The following ITSN1 variants were observed in gnomAD, a reference collection of about 807,000 sequenced individuals.
ITSN1 encodes the protein intersectin 1, also known as intersectin-1.
ITSN1 carries 58 observed loss-of-function variants against 239.8 expected under a neutral mutation model. The ratio of observed to expected loss-of-function variants is 0.24; its 90% CI spans 0.20 to 0.30. ITSN1 has a LOEUF of 0.30. ITSN1 is among the 10% of genes least tolerant of loss of function. The probability of loss-of-function intolerance (pLI) is 1.00; values close to 1 mark genes in which losing one functional copy is unlikely to be tolerated. For synonymous variants in ITSN1, 780 were observed against 770.8 expected, an observed-to-expected ratio of 1.01 and a Z score of -0.20; for missense variants, 1,558 against 2,103.3, an observed-to-expected ratio of 0.74 and a Z score of 5.07.
intron 20 of ITSN1, among the ~76,000 whole-genome samples, chr21:33,805,282 C>G (rs1309100924): frequency 6.6e-6 from 1 of 152,242 alleles, no homozygotes; most frequent in African/African-American, 2.4e-5. Flanking sequence ...TCAGTTCATT[C>G]TGGAAATTGT....
chr21:33,646,706 T>C (rs2087986677), intron 1 of ITSN1, among the ~76,000 whole-genome samples: 2 of 152,242 alleles, frequency 1.3e-5, no homozygotes, highest in African/African-American at 4.8e-5. Flanking sequence ...CACATCCACT[T>C]AATAAATGGT....
At chr21:33,778,106 TC>T (rs2069798275) in intron 14 of ITSN1, among the ~76,000 whole-genome samples, 1 of 152,210 alleles carries the variant, frequency 6.6e-6, no homozygotes, top group Non-Finnish European at 1.5e-5. Context: ...AAATCAGCCT[TC>T]CATTCTTGGG....
Position 33,815,078 on chromosome 21 carries a change from T to G in ITSN1, c.2727+1006T>G, listed in dbSNP as rs142800925. Among the ~76,000 whole-genome samples the G allele has an allele frequency of 2.5e-4, 38 of 152,134 alleles. 1 individual carries two copies. The East Asian group carries it at 2.7e-3, about 11-fold the overall frequency. Reference sequence around the variant, plus strand: ...AGAGTTGTGTTTTAGTTGTGTTGAGTTGAAGGTGAACGTGGGACCCTGTCT... The same window carrying G: ...AGAGTTGTGTTTTAGTTGTGTTGAGGTGAAGGTGAACGTGGGACCCTGTCT... On this transcript the variant is annotated intron_variant, in intron 22 of 39. Transcript: ENST00000381318.
chr21:33,733,271 A>T (rs2066301111), intron 4 of ITSN1, among the ~76,000 whole-genome samples: 1 of 152,160 alleles, frequency 6.6e-6, no homozygotes, highest in Non-Finnish European at 1.5e-5. Flanking sequence ...CATGATAAAA[A>T]TGTATATTAG....
chr21:33,748,042 T>A (rs530480051), intron 5 of ITSN1, among the ~76,000 whole-genome samples: 1 of 152,368 alleles, frequency 6.6e-6, no homozygotes, highest in South Asian at 2.1e-4. Context: ...TTATAATGTA[T>A]GTGACAGTAA....
chr21:33,895,706 C>CGTGCGT lies in ITSN1; in HGVS notation c.*7414_*7419dup, dbSNP rs764124282. The CGTGCGT allele has an allele frequency of 6.6e-6, 1 of 150,860 alleles. No individual in the cohort carries two copies. Among genetic ancestry groups the CGTGCGT allele is most frequent in the Non-Finnish European group, 1.5e-5 (1 of 67,746 alleles). 9.3% of individuals were successfully genotyped at this position (150,860 alleles called of 1,614,324 possible). The stretch of plus-strand genomic sequence containing the variant: ...GCGTGCATATGTGTATGTGTGTGCG[C>CGTGCGT]GTGCGTGTGCGTGCATGTGTGCGCA... On this transcript the variant is annotated 3_prime_UTR_variant, in exon 40 of 40. Coordinates refer to ENST00000381318, the MANE Select transcript of ITSN1 (RefSeq NM_003024.3).
In ITSN1 at chr21:33,865,004, C is replaced by T; in HGVS notation, c.3891-147C>T. 1 of 677,564 alleles carries T rather than the reference C, an allele frequency of 1.5e-6. No homozygotes were observed. The highest frequency in any genetic ancestry group is 2.3e-6 in the Non-Finnish European group (1 of 426,662). 42.0% of individuals were successfully genotyped at this position (677,564 alleles called of 1,614,324 possible). On this transcript the variant is annotated intron_variant, in intron 31 of 39. Transcript: ENST00000381318. This position sits in a 1 kb window ranked among gnomAD's most constrained non-coding sequence, Gnocchi z 4.4. ...TCTGTAGCCCTAGACTCATTTCTTT[C>T]TCCATTCCTTGTCTCCCAAATAGAT...
intron 31 of ITSN1, among the ~76,000 whole-genome samples, chr21:33,862,164 CAAAAA>C (rs59129090): frequency 6.3e-5 from 5 of 79,816 alleles, no homozygotes; most frequent in Non-Finnish European, 6.7e-5. Flanking sequence ...GACTGTGTCA[CAAAAA>C]AAAAAAAAAA....
At chr21:33,767,849 A>G (rs2147737057) in intron 11 of ITSN1, 21 bp downstream of exon 11, 1 of 1,303,010 alleles carries the variant, frequency 7.7e-7, no homozygotes, top group East Asian at 2.3e-5. Context: ...CTTTATGTTG[A>G]GTTAAATCAT....
chr21:33,653,281 C>G (rs2146154023), intron 1 of ITSN1, among the ~76,000 whole-genome samples: 1 of 152,270 alleles, frequency 6.6e-6, no homozygotes, highest in South Asian at 2.1e-4. Context: ...AGGCGTGAGC[C>G]ACCGCACCCA....
intron 17 of ITSN1, among the ~76,000 whole-genome samples, chr21:33,796,339 A>G (rs938953671): frequency 4.6e-5 from 7 of 152,242 alleles, no homozygotes; most frequent in Admixed American, 3.9e-4. Context: ...AAATGTTTTT[A>G]TACTTTCTTA....
intron 28 of ITSN1, among the ~76,000 whole-genome samples, chr21:33,835,311 C>T (rs1454148849): frequency 6.6e-6 from 1 of 152,162 alleles, no homozygotes; most frequent in African/African-American, 2.4e-5. Flanking sequence ...TTGCTGTCCC[C>T]TGGAGAGATG....
At chr21:33,712,370 C>G (rs769071184) in intron 1 of ITSN1, among the ~76,000 whole-genome samples, 6 of 152,146 alleles carry the variant, frequency 3.9e-5, no homozygotes, top group Admixed American at 1.3e-4. Flanking sequence ...TGGTTATATA[C>G]CAGACTATAA....
chr21:33,659,826 C>G (rs758187871), intron 1 of ITSN1, among the ~76,000 whole-genome samples: 8 of 148,830 alleles, frequency 5.4e-5, no homozygotes, highest in Non-Finnish European at 1.0e-4. Flanking sequence ...CTCAGGCAAT[C>G]CTCTCACCTC....
intron 39 of ITSN1, among the ~76,000 whole-genome samples, chr21:33,887,161 A>T (rs531335854): frequency 1.3e-3 from 193 of 152,104 alleles, no homozygotes; most frequent in African/African-American, 4.6e-3. Flanking sequence ...CTACAAAAAA[A>T]TACAAAACTT....
At chr21:33,723,381 G>A (rs1006014080) in intron 4 of ITSN1, among the ~76,000 whole-genome samples, 5 of 152,176 alleles carry the variant, frequency 3.3e-5, no homozygotes, top group Admixed American at 6.5e-5. Context: ...TTGGGAGGCC[G>A]AGGCGGGCGG....
chr21:33,736,319 A>G (rs1476283340), intron 5 of ITSN1, among the ~76,000 whole-genome samples: 1 of 152,252 alleles, frequency 6.6e-6, no homozygotes, highest in Non-Finnish European at 1.5e-5. Context: ...ATAATTAATG[A>G]TAAGCTAAGA....
At chr21:33,868,595 C>T (rs1195383051) in intron 33 of ITSN1, among the ~76,000 whole-genome samples, 7 of 152,214 alleles carry the variant, frequency 4.6e-5, no homozygotes, top group African/African-American at 1.4e-4. Flanking sequence ...CCAGCAGGGC[C>T]GGCCGGCTGC....
At position 33,895,567 on chromosome 21, in the gene ITSN1, ATG is replaced by A. The variant is rs1470954785; in HGVS notation, c.*7272_*7273del. 5 of 135,222 alleles carry A rather than the reference ATG, an allele frequency of 3.7e-5. No individual in the cohort carries two copies. Among genetic ancestry groups the A allele is most frequent in the African/African-American group, 1.4e-4 (5 of 35,240 alleles). The allele number at this position is 135,222 out of a possible 1,614,324, so 8.4% of individuals were successfully genotyped here. A position where few individuals can be genotyped will look rare whatever the true frequency, so the allele number is the denominator to read the frequency against. On this transcript the variant is annotated 3_prime_UTR_variant, in exon 40 of 40. Transcript: ENST00000381318. The stretch of plus-strand genomic sequence containing the variant: ...TGTGTGCACGCATGTGTGTGCGTGT[ATG>A]TGTGCGTGTGTGCATGTTTGTGAGT...
Sources: gnomAD v4.1 joint callset for allele counts (sites outside exome capture counted in the v4.1 genomes callset) on GRCh38, gnomAD v4.1.1 for gene constraint, Gnocchi (gnomAD v3.1) non-coding constraint, MANE v1.5 for transcripts, NCBI Gene and HGNC (gene_info 2026-07-23, HGNC 2026-07-21) for gene names.